The following GAS2 variants were observed in gnomAD, a reference collection of about 807,000 sequenced individuals.
The protein encoded by GAS2 is growth arrest specific 2, also known as growth arrest-specific protein 2.
GAS2 carries 20 observed loss-of-function variants against 37.5 expected under a neutral mutation model. The ratio of observed to expected loss-of-function variants is 0.53; its 90% CI spans 0.37 to 0.77. The LOEUF (loss-of-function observed/expected upper bound fraction) is 0.77, where lower values mean the gene tolerates loss of function less well. Among genes scored for constraint, GAS2 ranks in the 30% least tolerant of loss-of-function variants. GAS2 has a pLI of 0.00. For synonymous variants in GAS2, 144 were observed against 132.2 expected (o/e 1.09, Z -0.61); for missense variants, 336 against 373.4 (o/e 0.90, Z 0.82).
At chr11:22,776,147 T>C (rs954805212) in intron 7 of GAS2, among the ~76,000 whole-genome samples, 2 of 152,144 alleles carry the variant, frequency 1.3e-5, no homozygotes, top group South Asian at 4.2e-4. Context: ...CTGGAACTGG[T>C]GTCATGAATT....
At chr11:22,738,080 TA>T (rs1371169491) in intron 5 of GAS2, among the ~76,000 whole-genome samples, 2 of 152,158 alleles carry the variant, frequency 1.3e-5, no homozygotes, top group Non-Finnish European at 2.9e-5. Flanking sequence ...CAGTTCTCCT[TA>T]GTGGAAAGTC....
intron 7 of GAS2, among the ~76,000 whole-genome samples, chr11:22,795,910 T>C (rs1318113334): frequency 6.6e-6 from 1 of 152,174 alleles, no homozygotes; most frequent in Non-Finnish European, 1.5e-5. Context: ...AAGGAGCTAG[T>C]AGTGAAGATG....
rs549369026 is a variant in GAS2, at chr11:22,745,336, A to G, written c.474-3784A>G. Among the ~76,000 whole-genome samples, 61 of 152,250 alleles carry G rather than the reference A, an allele frequency of 4.0e-4. No homozygotes were observed. The South Asian group carries it at 0.012, about 31-fold the overall frequency. ...ACCTACAGCCATCTGATCTTTGACA[A>G]CATTACCAAAAATAAGCAATGGAGA... is the stretch of plus-strand genomic sequence containing the variant. On this transcript the variant is annotated intron_variant, in intron 5 of 7. Transcript: ENST00000454584.
At chr11:22,731,918 AC>A in intron 4 of GAS2, among the ~76,000 whole-genome samples, 1 of 151,892 alleles carries the variant, frequency 6.6e-6, no homozygotes, top group East Asian at 1.9e-4. Context: ...TTTATGAAGT[AC>A]ATACTTCATT....
intron 1 of GAS2, among the ~76,000 whole-genome samples, chr11:22,636,935 TATA>T (rs1345058885): frequency 9.8e-6 from 1 of 101,698 alleles, no homozygotes; most frequent in Non-Finnish European, 2.3e-5. Flanking sequence ...ATATTAATAA[TATA>T]AATAATAATA....
At chr11:22,786,425 C>T (rs1447806874) in intron 7 of GAS2, among the ~76,000 whole-genome samples, 2 of 152,096 alleles carry the variant, frequency 1.3e-5, no homozygotes, top group Non-Finnish European at 2.9e-5. Context: ...CATTAATCTA[C>T]TTATGTATGG....
At chr11:22,686,972 A>C (rs1849991517) in intron 3 of GAS2, among the ~76,000 whole-genome samples, 1 of 152,044 alleles carries the variant, frequency 6.6e-6, no homozygotes, top group African/African-American at 2.4e-5. Flanking sequence ...GTATTAATTA[A>C]TTCAGTGGCT....
At chr11:22,782,727 CA>C (rs34232571) in intron 7 of GAS2, among the ~76,000 whole-genome samples, 105 of 119,590 alleles carry the variant, frequency 8.8e-4, no homozygotes, top group Admixed American at 1.1e-3. Context: ...CATGTTGCTG[CA>C]AAAAAAAAAA....
chr11:22,652,998 T>TCTTTCTTTCTTTCTTTCTTTCTTC, intron 1 of GAS2, among the ~76,000 whole-genome samples: 1 of 136,456 alleles, frequency 7.3e-6, no homozygotes, highest in Non-Finnish European at 1.6e-5. Flanking sequence ...TCTTTGTCTT[T>TCTTTCTTTCTTTCTTTCTTTCTTC]CTTTCTTTCT....
intron 1 of GAS2, among the ~76,000 whole-genome samples, chr11:22,636,883 A>T (rs1055276795): frequency 2.1e-4 from 31 of 145,688 alleles, no homozygotes; most frequent in African/African-American, 7.7e-4. Flanking sequence ...ATGAAAATTT[A>T]TATTACCTAT....
At chr11:22,697,271 T>C (rs1850576107) in intron 3 of GAS2, among the ~76,000 whole-genome samples, 1 of 152,060 alleles carries the variant, frequency 6.6e-6, no homozygotes, top group African/African-American at 2.4e-5. Flanking sequence ...TGGCGTTATT[T>C]CTGAGGGCTC....
chr11:22,633,839 G>T lies in GAS2; in HGVS notation c.-21+8026G>T, dbSNP rs186905926. ...TGTAGGAATGGTGATGTTACATGTA[G>T]AAAAGGACTATGACTCTATCCCTCA... On this transcript the variant is annotated intron_variant, in intron 1 of 5. Transcript: ENST00000528582. Among the ~76,000 whole-genome samples the T allele has an allele frequency of 3.5e-3, 537 of 152,270 alleles. 4 individuals are homozygous for T. Among genetic ancestry groups the T allele is most frequent in the African/African-American group, 0.012 (502 of 41,538 alleles).
At chr11:22,638,179 G>T (rs990836880) in intron 1 of GAS2, among the ~76,000 whole-genome samples, 13 of 151,958 alleles carry the variant, frequency 8.6e-5, no homozygotes, top group Admixed American at 7.2e-4. Flanking sequence ...ACATCTTTAT[G>T]GGCTGTGGTG....
At chr11:22,671,130 A>AT (rs947980272) in intron 1 of GAS2, among the ~76,000 whole-genome samples, 14 of 151,974 alleles carry the variant, frequency 9.2e-5, no homozygotes, top group African/African-American at 3.1e-4. Flanking sequence ...CAAAGTCATT[A>AT]TTTTTTTCTT....
At chr11:22,763,096 A>G (rs1355386874) in intron 7 of GAS2, among the ~76,000 whole-genome samples, 1 of 152,220 alleles carries the variant, frequency 6.6e-6, no homozygotes, top group African/African-American at 2.4e-5. Flanking sequence ...GAATAATTTA[A>G]TTGGAAGTCA....
Position 22,763,386 on chromosome 11 carries a change from G to A in GAS2, c.723+7433G>A, listed in dbSNP as rs556814439. Among the ~76,000 whole-genome samples, 11 of 152,172 alleles carry A rather than the reference G, an allele frequency of 7.2e-5. No homozygotes were observed. The South Asian group carries it at 8.3e-4, about 11-fold the overall frequency. ...GGTCCATGATAGTGGGTGATATTAC[G>A]TTCTTTTTTGCTCTTATGGCACATA... On this transcript the variant is annotated intron_variant, in intron 7 of 7. Coordinates refer to ENST00000454584, the MANE Select transcript of GAS2 (RefSeq NM_001143830.3).
intron 3 of GAS2, among the ~76,000 whole-genome samples, chr11:22,707,003 C>G (rs1490515079): frequency 1.3e-5 from 2 of 152,054 alleles, no homozygotes; most frequent in Non-Finnish European, 2.9e-5. Context: ...CCTGTTGTTT[C>G]CTGACTTTTT....
At chr11:22,703,532 T>C (rs1850951108) in intron 3 of GAS2, among the ~76,000 whole-genome samples, 1 of 152,186 alleles carries the variant, frequency 6.6e-6, no homozygotes, top group Non-Finnish European at 1.5e-5. Context: ...GATTTTATAT[T>C]AAGAACCTTT....
intron 7 of GAS2, among the ~76,000 whole-genome samples, chr11:22,809,195 T>C (rs940154034): frequency 6.6e-6 from 1 of 152,098 alleles, no homozygotes; most frequent in South Asian, 2.1e-4. Context: ...AGACAATGAG[T>C]ATTGCCAGGG....
Sources: allele counts gnomAD v4.1 joint callset (sites outside exome capture counted in the v4.1 genomes callset), GRCh38; gene constraint gnomAD v4.1.1; transcripts MANE v1.5; gene names NCBI Gene and HGNC (gene_info 2026-07-23, HGNC 2026-07-21).